The following RRP15 variants were observed in gnomAD, a reference collection of about 807,000 sequenced individuals.
RRP15 encodes the protein RRP15-like protein.
RRP15 carries 18 observed loss-of-function variants against 27.1 expected under a neutral mutation model. The observed-to-expected ratio is 0.66, with a 90% CI of 0.46 to 0.98. RRP15 has a LOEUF of 0.98. Among genes scored for constraint, RRP15 ranks in the 50% least tolerant of loss-of-function variants. RRP15 has a pLI of 0.00. For synonymous variants in RRP15, 107 were observed against 109.4 expected, an observed-to-expected ratio of 0.98 and a Z score of 0.14; for missense variants, 359 against 337.8, an observed-to-expected ratio of 1.06 and a Z score of -0.49.
At chr1:218,330,539 T>G (rs565158651) in intron 4 of RRP15, among the ~76,000 whole-genome samples, 1 of 152,186 alleles carries the variant, frequency 6.6e-6, no homozygotes, top group Non-Finnish European at 1.5e-5. Flanking sequence ...CTTTGTTAAA[T>G]TGTCAGTTGC....
At chr1:218,287,676 G>C (rs1655571766) in intron 1 of RRP15, among the ~76,000 whole-genome samples, 1 of 151,092 alleles carries the variant, frequency 6.6e-6, no homozygotes, top group South Asian at 2.1e-4. Context: ...ATATCCTCTG[G>C]AACCCAGCCT....
At chr1:218,291,531 T>TA (rs1266718533) in intron 1 of RRP15, among the ~76,000 whole-genome samples, 1 of 121,332 alleles carries the variant, frequency 8.2e-6, no homozygotes, top group Non-Finnish European at 1.7e-5. Context: ...AATTTTCCTT[T>TA]TTTTTTTTTT....
intron 4 of RRP15, among the ~76,000 whole-genome samples, chr1:218,324,536 G>A (rs1384702869): frequency 1.3e-5 from 2 of 152,242 alleles, no homozygotes; most frequent in Non-Finnish European, 2.9e-5. Context: ...CCTCCCTGCT[G>A]CAACTGGTGT....
chr1:218,313,827 A>G (rs1656038708), intron 4 of RRP15, among the ~76,000 whole-genome samples: 1 of 152,190 alleles, frequency 6.6e-6, no homozygotes, highest in Non-Finnish European at 1.5e-5. Flanking sequence ...TTCTAGGTTT[A>G]GATAACTAAT....
chr1:218,307,710 A>C, intron 4 of RRP15, 78 bp downstream of exon 4: 2 of 941,076 alleles, frequency 2.1e-6, no homozygotes. Flanking sequence ...ACCAGACTAT[A>C]GAATTACAGA....
intron 4 of RRP15, among the ~76,000 whole-genome samples, chr1:218,320,057 CTTTTA>C (rs1333425381): frequency 1.0e-5 from 1 of 97,280 alleles, no homozygotes; most frequent in Admixed American, 1.0e-4. Context: ...CTTTTTTTTT[CTTTTA>C]TTTTATTATT....
chr1:218,297,461 A>T, intron 1 of RRP15, among the ~76,000 whole-genome samples: 1 of 152,316 alleles, frequency 6.6e-6, no homozygotes, highest in Middle Eastern at 3.4e-3. Context: ...AGAACTTTAC[A>T]TATTTTAATT....
At chr1:218,291,442 C>G (rs1655638418) in intron 1 of RRP15, among the ~76,000 whole-genome samples, 3 of 146,862 alleles carry the variant, frequency 2.0e-5, no homozygotes, top group African/African-American at 2.5e-5. Flanking sequence ...GAGACTCTGT[C>G]TCAAAAATGA....
At chr1:218,330,841 C>A in intron 4 of RRP15, 107 bp from the exon 5 acceptor site, 2 of 840,114 alleles carry the variant, frequency 2.4e-6, no homozygotes, top group East Asian at 5.3e-5. Flanking sequence ...GGTTTTACCC[C>A]TATTTTAAAA....
chr1:218,321,101 G>T (rs373802784), intron 4 of RRP15, among the ~76,000 whole-genome samples: 1 of 152,094 alleles, frequency 6.6e-6, no homozygotes, highest in Non-Finnish European at 1.5e-5. Context: ...CTTTTTCAGT[G>T]TTCAGTGGCT....
At position 218,304,243 on chromosome 1, in the gene RRP15, G is replaced by T. The variant is rs143099758; in HGVS notation, c.406-785G>T. ...CGTTGTCTTTATTACTGGTTTTGAT[G>T]CTTGCCAGCATTCATTGATTAATGC... is the stretch of plus-strand genomic sequence containing the variant. On this transcript the variant is annotated intron_variant, in intron 2 of 4. Transcript: ENST00000366932. Among the ~76,000 whole-genome samples, 712 of 152,294 alleles carry T rather than the reference G, an allele frequency of 4.7e-3. 6 individuals carry two copies. Among genetic ancestry groups the T allele is most frequent in the African/African-American group, 0.016 (675 of 41,580 alleles).
rs1169967188 is a variant in RRP15, at chr1:218,310,022, C to T, written c.705+2390C>T. On this transcript the variant is annotated intron_variant, in intron 4 of 4. Coordinates refer to ENST00000366932, the MANE Select transcript of RRP15 (RefSeq NM_016052.4). ...ACTTTTAAGGTAGATCAAGGGAAGG[C>T]AGGGTGGCAAAGGTGAGCATAGATT... Among the ~76,000 whole-genome samples the T allele has an allele frequency of 6.6e-5, 10 of 152,214 alleles. No homozygotes were observed. The East Asian group carries it at 1.7e-3, about 26-fold the overall frequency.
intron 4 of RRP15, among the ~76,000 whole-genome samples, chr1:218,315,736 T>C (rs542524917): frequency 6.6e-6 from 1 of 152,008 alleles, no homozygotes; most frequent in African/African-American, 2.4e-5. Flanking sequence ...GATTACAGGC[T>C]TGAGCCACCG....
chr1:218,296,203 A>G (rs1327226626), intron 1 of RRP15, among the ~76,000 whole-genome samples: 1 of 152,222 alleles, frequency 6.6e-6, no homozygotes, highest in Non-Finnish European at 1.5e-5. Context: ...TTCAGTACAC[A>G]TTAGTCCAAA....
At chr1:218,300,509 AC>A (rs1324527650) in intron 1 of RRP15, among the ~76,000 whole-genome samples, 2 of 152,220 alleles carry the variant, frequency 1.3e-5, no homozygotes, top group African/African-American at 2.4e-5. Flanking sequence ...TATTGTAATC[AC>A]TTGCTAAAAG....
At chr1:218,323,606 T>C (rs529187777) in intron 4 of RRP15, among the ~76,000 whole-genome samples, 26 of 152,220 alleles carry the variant, frequency 1.7e-4, no homozygotes, top group Non-Finnish European at 3.4e-4. Flanking sequence ...CCGGGGACCC[T>C]CCCCCTTCTA....
At chr1:218,292,563 C>T (rs1007923493) in intron 1 of RRP15, among the ~76,000 whole-genome samples, 2 of 152,236 alleles carry the variant, frequency 1.3e-5, no homozygotes, top group Non-Finnish European at 2.9e-5. Flanking sequence ...CTGCTCTAAG[C>T]ATGTCTGTGA....
chr1:218,295,912 C>CA (rs1655710979), intron 1 of RRP15, among the ~76,000 whole-genome samples: 1 of 147,428 alleles, frequency 6.8e-6, no homozygotes, highest in African/African-American at 2.5e-5. Flanking sequence ...TCAAAGGTAA[C>CA]TTTTTTTTTT....
Position 218,307,467 on chromosome 1 carries a change from T to G in RRP15, c.540T>G (p.His180Gln). The G allele has an allele frequency of 6.2e-7, 1 of 1,613,952 alleles. No homozygotes were observed. The highest frequency in any genetic ancestry group is 2.2e-5 in the East Asian group (1 of 44,832). The change falls in exon 4 of 5, where the codon CAT becomes CAG. Residue 180 changes from histidine (H) to glutamine (Q), a missense_variant. His to Gln is a conservative substitution (Grantham distance 24). Transcript: ENST00000366932. ...VVQLFNAVQKHQKNVDEKVKE... is the reference protein window; with the variant it reads ...VVQLFNAVQKQQKNVDEKVKE... ...AATTATTTAATGCTGTTCAGAAACA[T>G]CAAAAGAATGTTGATGAAAAGGTTA...
Sources: gnomAD v4.1 joint callset for allele counts (sites outside exome capture counted in the v4.1 genomes callset) on GRCh38, gnomAD v4.1.1 for gene constraint, MANE v1.5 for transcripts, NCBI Gene and HGNC (gene_info 2026-07-23, HGNC 2026-07-21) for gene names.